NDFIP2: variants seen among roughly 807,000 people sequenced by gnomAD.
The protein encoded by NDFIP2 is Nedd4 family interacting protein 2, also known as NEDD4 family-interacting protein 2.
A neutral mutation model predicts 36.0 loss-of-function variants in NDFIP2; 19 were observed. That is an observed-to-expected ratio of 0.53 (90% CI 0.37 to 0.77). The LOEUF is 0.77. Ranked by LOEUF, NDFIP2 falls within the 30% of genes least tolerant of loss-of-function variation. The pLI, the probability that NDFIP2 is intolerant of heterozygous loss-of-function variation, is 0.00. For missense variants in NDFIP2, 446 were observed against 435.8 expected (o/e 1.02, Z -0.21); for synonymous variants, 181 against 167.7 (o/e 1.08, Z -0.61).
intron 1 of NDFIP2, among the ~76,000 whole-genome samples, chr13:79,485,780 A>G (rs1466684707): frequency 6.6e-6 from 1 of 152,150 alleles, no homozygotes; most frequent in Non-Finnish European, 1.5e-5. Context: ...GAAGCTTTCT[A>G]CTTCTCTTGA....
chr13:79,536,449 TAGAA>T (rs1184743372), intron 3 of NDFIP2, among the ~76,000 whole-genome samples: 13 of 152,152 alleles, frequency 8.5e-5, no homozygotes, highest in Admixed American at 3.9e-4. Flanking sequence ...TGTGGGAAAA[TAGAA>T]AGAGGAAAAC....
intron 1 of NDFIP2, among the ~76,000 whole-genome samples, chr13:79,514,528 A>G (rs1218287219): frequency 6.6e-6 from 1 of 152,222 alleles, no homozygotes; most frequent in Non-Finnish European, 1.5e-5. Context: ...AGTTAAGATT[A>G]TATCAAAGAG....
intron 3 of NDFIP2, among the ~76,000 whole-genome samples, chr13:79,537,889 G>A (rs1875303636): frequency 6.6e-6 from 1 of 152,182 alleles, no homozygotes; most frequent in Admixed American, 6.5e-5. Flanking sequence ...CCCAAGACTG[G>A]GGAATTTATA....
intron 1 of NDFIP2, among the ~76,000 whole-genome samples, chr13:79,488,123 A>G (rs1400015015): frequency 1.3e-5 from 2 of 151,624 alleles, no homozygotes; most frequent in Non-Finnish European, 2.9e-5. Context: ...CATCTTTAAA[A>G]TAGATCTTTG....
rs763422265 is a variant in NDFIP2, at chr13:79,539,693, A to G, written c.633A>G (p.Glu211=). The change falls in exon 4 of 8, where the codon GAA becomes GAG. Residue 211 remains glutamate (E), a synonymous_variant. Coordinates refer to ENST00000218652, the MANE Select transcript of NDFIP2 (RefSeq NM_019080.3). ...TTACATATTTACAGATTCAGGAGGA[A>G]GAGTGTCCACCAAGAGATGACTTCA... The part of the protein sequence containing the change: ...AAETSQRIQE[E]ECPPRDDFSD... 6.2e-7 allele frequency: 1 copy of G among 1,613,362 alleles called. No homozygotes were observed. The highest frequency in any genetic ancestry group is 1.1e-5 in the South Asian group (1 of 91,060).
intron 1 of NDFIP2, among the ~76,000 whole-genome samples, chr13:79,487,371 T>C (rs963234816): frequency 2.1e-4 from 32 of 152,232 alleles, no homozygotes; most frequent in Admixed American, 6.5e-5. Context: ...TTTTATCATA[T>C]AGTTTTCATC....
chr13:79,513,593 A>G (rs1208217437), intron 1 of NDFIP2, among the ~76,000 whole-genome samples: 2 of 152,182 alleles, frequency 1.3e-5, no homozygotes, highest in African/African-American at 4.8e-5. Context: ...TGAGAGGGTG[A>G]GTGGAGCCCA....
At chr13:79,525,402 T>C (rs749969395) in intron 2 of NDFIP2, among the ~76,000 whole-genome samples, 1 of 152,232 alleles carries the variant, frequency 6.6e-6, no homozygotes, top group African/African-American at 2.4e-5. Flanking sequence ...TTACTGTAGA[T>C]CTTAGCAACC....
intron 3 of NDFIP2, among the ~76,000 whole-genome samples, chr13:79,539,199 T>C (rs1875365032): frequency 6.6e-6 from 1 of 152,246 alleles, no homozygotes; most frequent in Admixed American, 6.5e-5. Flanking sequence ...ACATCATTTT[T>C]ATAAGAGGGA....
chr13:79,522,816 A>G (rs1566662111), intron 2 of NDFIP2, among the ~76,000 whole-genome samples: 1 of 152,192 alleles, frequency 6.6e-6, no homozygotes, highest in Non-Finnish European at 1.5e-5. Context: ...ACCTGTTATG[A>G]TACTGTCTCA....
At chr13:79,544,483 T>G (rs1411709075) in intron 5 of NDFIP2, among the ~76,000 whole-genome samples, 1 of 149,366 alleles carries the variant, frequency 6.7e-6, no homozygotes, top group African/African-American at 2.6e-5. Context: ...TTACAAATGT[T>G]TCTTCCTAGT....
At chr13:79,503,760 T>C (rs913067826) in intron 1 of NDFIP2, among the ~76,000 whole-genome samples, 2 of 152,134 alleles carry the variant, frequency 1.3e-5, no homozygotes, top group Non-Finnish European at 1.5e-5. Flanking sequence ...GGGATGATAT[T>C]GTGGGTGGAG....
intron 2 of NDFIP2, among the ~76,000 whole-genome samples, chr13:79,521,185 C>A (rs1874568338): frequency 6.6e-6 from 1 of 151,754 alleles, no homozygotes; most frequent in Non-Finnish European, 1.5e-5. Context: ...ACTTATATAA[C>A]CATAAAACAA....
intron 1 of NDFIP2, among the ~76,000 whole-genome samples, chr13:79,492,252 C>CTTTTTTTTTTTTT (rs780442571): frequency 1.5e-5 from 2 of 133,986 alleles, no homozygotes; most frequent in Non-Finnish European, 1.6e-5. Flanking sequence ...GTAGTGACAC[C>CTTTTTTTTTTTTT]TTTTTTTTTT....
chr13:79,486,929 C>G (rs1203506491), intron 1 of NDFIP2, among the ~76,000 whole-genome samples: 1 of 152,108 alleles, frequency 6.6e-6, no homozygotes, highest in Non-Finnish European at 1.5e-5. Context: ...CTATATATAC[C>G]ATCTAGATTT....
intron 1 of NDFIP2, among the ~76,000 whole-genome samples, chr13:79,503,880 C>A (rs2140747334): frequency 6.6e-6 from 1 of 152,216 alleles, no homozygotes; most frequent in Non-Finnish European, 1.5e-5. Flanking sequence ...GTGTGAATTT[C>A]AAAAGAGCCT....
At chr13:79,526,726 A>C (rs1874810012) in intron 2 of NDFIP2, among the ~76,000 whole-genome samples, 1 of 152,218 alleles carries the variant, frequency 6.6e-6, no homozygotes, top group African/African-American at 2.4e-5. Context: ...AGAGGAGAGA[A>C]TTTTAAAAAG....
intron 1 of NDFIP2, among the ~76,000 whole-genome samples, chr13:79,501,707 T>C (rs1873675499): frequency 6.6e-6 from 1 of 152,168 alleles, no homozygotes; most frequent in Non-Finnish European, 1.5e-5. Context: ...TAGTGGTGTC[T>C]TGGCATTTGC....
In NDFIP2 at chr13:79,551,567, T is replaced by G. The variant is rs79382151; in HGVS notation, c.*2+445T>G. ...GAAAAAAATCTGATTGAAAAACAAT[T>G]TGTCTTGCAGTCCTTTTAACAGTCT... is the stretch of plus-strand genomic sequence containing the variant. On this transcript the variant is annotated intron_variant, in intron 7 of 7. Transcript: ENST00000218652. Among the ~76,000 whole-genome samples, 7 of 151,584 alleles carry G rather than the reference T, an allele frequency of 4.6e-5. No homozygotes were observed. The East Asian group carries it at 7.7e-4, about 17-fold the overall frequency.
Sources: gnomAD v4.1 joint callset for allele counts (sites outside exome capture counted in the v4.1 genomes callset) on GRCh38, gnomAD v4.1.1 for gene constraint, MANE v1.5 for transcripts, NCBI Gene and HGNC (gene_info 2026-07-23, HGNC 2026-07-21) for gene names.